The following NLRC5 variants were observed in gnomAD, a reference collection of about 807,000 sequenced individuals.
NLRC5 encodes protein NLRC5.
NLRC5 carries 114 observed loss-of-function variants against 206.9 expected under a neutral mutation model. That is an observed-to-expected ratio of 0.55 (90% confidence interval 0.47 to 0.64). The LOEUF (loss-of-function observed/expected upper bound fraction) is 0.64. Among genes scored for constraint, NLRC5 ranks in the 30% least tolerant of loss-of-function variants. The pLI is 0.00. For synonymous variants in NLRC5, 952 were observed against 962.8 expected (o/e 0.99, Z 0.21); for missense variants, 2,008 against 2,305.5 (o/e 0.87, Z 2.64).
At position 57,045,497 on chromosome 16, in the gene NLRC5, G is replaced by A; in HGVS notation, c.3248+5G>A. 1 of 1,613,836 alleles carries A rather than the reference G, an allele frequency of 6.2e-7. No homozygotes were observed. The highest frequency in any genetic ancestry group is 8.5e-7 in the Non-Finnish European group (1 of 1,179,922). Reference sequence around the variant, plus strand: ...GAGAGGGGACAAGACAAGCAGGTGAGGAGGGAACGCTCGGGGTGGGGGAGT... The same window carrying A: ...GAGAGGGGACAAGACAAGCAGGTGAAGAGGGAACGCTCGGGGTGGGGGAGT... On this transcript the variant is annotated splice_donor_5th_base_variant and intron_variant, in intron 21 of 48. Transcript: ENST00000688547.
At chr16:57,081,425 T>G in intron 47 of NLRC5, 102 bp from the exon 48 acceptor site, 1 of 1,123,574 alleles carries the variant, frequency 8.9e-7, no homozygotes, top group Non-Finnish European at 1.3e-6. Context: ...TGTGGGAGAC[T>G]GTGTCCCCTG....
Position 57,036,161 on chromosome 16 carries a change from C to T in NLRC5, c.2689C>T (p.Leu897=). 1 of 1,613,466 alleles carries T rather than the reference C, an allele frequency of 6.2e-7. No individual in the cohort carries two copies. Among genetic ancestry groups the T allele is most frequent in the Non-Finnish European group, 8.5e-7 (1 of 1,179,980 alleles). The change falls in exon 14 of 49, where the codon CTG becomes TTG. Residue 897 remains leucine, a synonymous_variant. Coordinates refer to ENST00000688547, the MANE Select transcript of NLRC5 (RefSeq NM_001384950.1). ...GCTGATGGCAGAGGCTGCATCCCAG[C>T]TGCACATCGCCAGGAAGCTGGAGTG... The part of the protein sequence containing the change: ...CRLMAEAASQ[L]HIARKLDLSN...
intron 14 of NLRC5, 25 bp downstream of exon 14, chr16:57,036,208 G>A (rs2062552461): frequency 6.2e-7 from 1 of 1,608,894 alleles, no homozygotes; most frequent in Non-Finnish European, 8.5e-7. Context: ...CCACCGCTGG[G>A]TACCAGGGAA....
At chr16:57,067,234 T>A (rs1387095024) in intron 34 of NLRC5, among the ~76,000 whole-genome samples, 153 bp from the exon 35 acceptor site, 2 of 152,212 alleles carry the variant, frequency 1.3e-5, no homozygotes, top group East Asian at 3.8e-4. Context: ...GACTCCTGCT[T>A]CCTAGCACTT....
chr16:57,077,198 G>A, intron 40 of NLRC5, 98 bp from the exon 41 acceptor site: 1 of 1,085,162 alleles, frequency 9.2e-7, no homozygotes, highest in African/African-American at 1.5e-5. Flanking sequence ...GTGAGTCGAG[G>A]CCCTTCCTGG....
Position 57,067,921 on chromosome 16 carries a change from TACTC to T in NLRC5, c.4499+94_4499+97del, listed in dbSNP as rs1206820829. ...CCCAGCCCTGGGCTCAGAGGACTCTTACTCTGTGTCTTACTCTGTGGACACAAAC... is the reference window on the plus strand; with the variant it reads ...CCCAGCCCTGGGCTCAGAGGACTCTTTGTGTCTTACTCTGTGGACACAAAC... On this transcript the variant is annotated intron_variant, in intron 36 of 48. Transcript: ENST00000688547. 16 of 1,008,548 alleles carry T rather than the reference TACTC, an allele frequency of 1.6e-5. No homozygotes were observed. The African/African-American group carries it at 2.4e-4, about 15-fold the overall frequency. The allele number at this position is 1,008,548 out of a possible 1,614,324, so 62.5% of individuals were successfully genotyped here. A position where few individuals can be genotyped will look rare whatever the true frequency, so the allele number is the denominator to read the frequency against.
At chr16:57,022,207 G>A in intron 3 of NLRC5, 49 bp from the exon 4 acceptor site, 1 of 1,538,308 alleles carries the variant, frequency 6.5e-7, no homozygotes, top group Non-Finnish European at 8.9e-7. Context: ...CTGGTCCCCA[G>A]CATCCCTCGA....
At chr16:57,047,512 T>C (rs748446549) in intron 22 of NLRC5, 33 bp from the exon 23 acceptor site, 1 of 1,588,370 alleles carries the variant, frequency 6.3e-7, no homozygotes, top group Non-Finnish European at 8.6e-7. Context: ...GGGCTTTCTC[T>C]GATTCCCTGC....
intron 26 of NLRC5, 98 bp from the exon 27 acceptor site, chr16:57,055,335 C>T: frequency 8.5e-7 from 1 of 1,180,678 alleles, no homozygotes; most frequent in South Asian, 1.3e-5. Flanking sequence ...TGGAGACCCA[C>T]CTGGAGCCCA....
chr16:57,047,519 C>T, intron 22 of NLRC5, 26 bp from the exon 23 acceptor site: 1 of 1,598,102 alleles, frequency 6.3e-7, no homozygotes, highest in Non-Finnish European at 8.5e-7. Context: ...CTCTGATTCC[C>T]TGCCCTGCCC....
intron 1 of NLRC5, among the ~76,000 whole-genome samples, chr16:56,991,365 G>C (rs949797389): frequency 7.0e-6 from 1 of 143,838 alleles, no homozygotes; most frequent in African/African-American, 2.6e-5. Context: ...TTTTGCTGTT[G>C]TTGTTCTTTA....
At position 57,029,815 on chromosome 16, in the gene NLRC5, T is replaced by C. The variant is rs1306543671; in HGVS notation, c.2286T>C (p.Ile762=). 9 of 1,614,032 alleles carry C rather than the reference T, an allele frequency of 5.6e-6. No homozygotes were observed. The highest frequency in any genetic ancestry group is 1.3e-5 in the African/African-American group (1 of 74,914). Residue 762 remains isoleucine (I), a synonymous_variant, in exon 9 of 49, where the codon ATT becomes ATC. Transcript: ENST00000688547. ...TCAGTGACCAGGTGGTGCTGAACATTGTGGAGGTTCTCCCTCACCTACCAC... is the reference window on the plus strand; with the variant it reads ...TCAGTGACCAGGTGGTGCTGAACATCGTGGAGGTTCTCCCTCACCTACCAC... The part of the protein sequence containing the change: ...NQLSDQVVLN[I]VEVLPHLPRL...
At chr16:57,011,839 A>G (rs2059541469) in intron 1 of NLRC5, among the ~76,000 whole-genome samples, 1 of 152,224 alleles carries the variant, frequency 6.6e-6, no homozygotes, top group Non-Finnish European at 1.5e-5. Context: ...AAAAGGCAAT[A>G]AAGAATACAT....
chr16:57,022,682 C>T (rs2060808501), intron 4 of NLRC5, among the ~76,000 whole-genome samples: 1 of 152,226 alleles, frequency 6.6e-6, no homozygotes, highest in Non-Finnish European at 1.5e-5. Flanking sequence ...CCGACTTGTA[C>T]ACCTTGGACT....
intron 1 of NLRC5, among the ~76,000 whole-genome samples, chr16:57,001,864 C>T (rs1165952621): frequency 6.6e-6 from 1 of 152,044 alleles, no homozygotes; most frequent in African/African-American, 2.4e-5. Context: ...ATTTTTTGTA[C>T]CCACTAACCA....
intron 1 of NLRC5, among the ~76,000 whole-genome samples, chr16:56,995,554 G>A (rs1044753180): frequency 3.3e-5 from 5 of 152,114 alleles, no homozygotes; most frequent in Non-Finnish European, 2.9e-5. Flanking sequence ...AGAGGCTGCC[G>A]ACCGCTGGAA....
intron 1 of NLRC5, among the ~76,000 whole-genome samples, chr16:56,995,325 G>A (rs2057468209): frequency 6.6e-6 from 1 of 152,324 alleles, no homozygotes; most frequent in South Asian, 2.1e-4. Context: ...CCAGCTGGCT[G>A]TTTCTGTCTC....
chr16:57,018,255 A>G (rs1164242494), intron 2 of NLRC5, among the ~76,000 whole-genome samples: 1 of 152,208 alleles, frequency 6.6e-6, no homozygotes, highest in African/African-American at 2.4e-5. Flanking sequence ...CCGAGATCAC[A>G]CAAAATCCAG....
chr16:57,001,280 T>G (rs917689788), intron 1 of NLRC5, among the ~76,000 whole-genome samples: 2 of 152,214 alleles, frequency 1.3e-5, no homozygotes, highest in Non-Finnish European at 2.9e-5. Flanking sequence ...TCCAAATGTC[T>G]GTAGTCATGA....
Sources: gnomAD v4.1 joint callset for allele counts (sites outside exome capture counted in the v4.1 genomes callset) on GRCh38, gnomAD v4.1.1 for gene constraint, MANE v1.5 for transcripts, NCBI Gene and HGNC (gene_info 2026-07-23, HGNC 2026-07-21) for gene names.